HCRTR2: variants seen among roughly 807,000 people sequenced by gnomAD.
HCRTR2 encodes the protein orexin receptor type 2.
A neutral mutation model predicts 49.0 loss-of-function variants in HCRTR2; 22 were observed. The ratio of observed to expected loss-of-function variants is 0.45; its 90% CI spans 0.32 to 0.64. HCRTR2 has a LOEUF of 0.64. Among genes scored for constraint, HCRTR2 ranks in the 30% least tolerant of loss-of-function variants. The pLI, the probability that HCRTR2 is intolerant of heterozygous loss-of-function variation, is 0.04. For synonymous variants in HCRTR2, 236 were observed against 205.3 expected, an observed-to-expected ratio of 1.15 and a Z score of -1.28; for missense variants, 491 against 559.4, an observed-to-expected ratio of 0.88 and a Z score of 1.23.
At chr6:55,186,454 C>A (rs1765217564) in intron 1 of HCRTR2, among the ~76,000 whole-genome samples, 1 of 152,182 alleles carries the variant, frequency 6.6e-6, no homozygotes, top group African/African-American at 2.4e-5. Context: ...CTTTCCCCAG[C>A]ACTGAGATCT....
chr6:55,209,420 AT>A (rs1233765894), intron 1 of HCRTR2, among the ~76,000 whole-genome samples: 5 of 152,196 alleles, frequency 3.3e-5, no homozygotes, highest in Non-Finnish European at 7.4e-5. Context: ...GGATTGCTTC[AT>A]TGTTTTGGTT....
chr6:55,134,578 T>G (rs989571678), intron 1 of HCRTR2, among the ~76,000 whole-genome samples: 7 of 151,858 alleles, frequency 4.6e-5, no homozygotes. Context: ...CAGATCTTAT[T>G]CATCTTATAA....
chr6:55,204,041 A>T (rs578200411), intron 1 of HCRTR2, among the ~76,000 whole-genome samples: 1 of 152,268 alleles, frequency 6.6e-6, no homozygotes, highest in Non-Finnish European at 1.5e-5. Context: ...TCTGTTCAAT[A>T]TTTAACACAC....
At chr6:55,210,178 G>C (rs1765672519) in intron 1 of HCRTR2, among the ~76,000 whole-genome samples, 1 of 152,080 alleles carries the variant, frequency 6.6e-6, no homozygotes, top group African/African-American at 2.4e-5. Context: ...TATTAGAAAT[G>C]TGTTATTTCT....
chr6:55,171,570 A>G (rs1764950101), upstream of HCRTR2, among the ~76,000 whole-genome samples: 1 of 152,214 alleles, frequency 6.6e-6, no homozygotes, highest in Non-Finnish European at 1.5e-5. Context: ...GAAAACAAGT[A>G]ATAATCTGAA....
chr6:55,150,488 C>G (rs753766597), intron 1 of HCRTR2, among the ~76,000 whole-genome samples: 1 of 151,908 alleles, frequency 6.6e-6, no homozygotes, highest in African/African-American at 2.4e-5. Flanking sequence ...TTTGGTTACA[C>G]CTCCCCATTT....
intron 1 of HCRTR2, among the ~76,000 whole-genome samples, chr6:55,218,203 T>TCCCTTAAAGG (rs1765825553): frequency 1.3e-5 from 2 of 152,210 alleles, no homozygotes; most frequent in Admixed American, 6.5e-5. Context: ...GCCTCTATTG[T>TCCCTTAAAGG]CCCTTAAAGG....
chr6:55,124,476 G>A (rs1764246293), intron 1 of HCRTR2, among the ~76,000 whole-genome samples: 1 of 152,050 alleles, frequency 6.6e-6, no homozygotes, highest in Non-Finnish European at 1.5e-5. Flanking sequence ...TGTGGTCTGA[G>A]AGACTGTTGC....
chr6:55,145,617 G>A (rs932290229), intron 1 of HCRTR2, among the ~76,000 whole-genome samples: 1 of 151,780 alleles, frequency 6.6e-6, no homozygotes, highest in Non-Finnish European at 1.5e-5. Flanking sequence ...GGGTTTCACC[G>A]TGTTAGCCAG....
intron 1 of HCRTR2, among the ~76,000 whole-genome samples, chr6:55,176,432 T>C (rs1175836508): frequency 6.6e-6 from 1 of 152,198 alleles, no homozygotes; most frequent in Non-Finnish European, 1.5e-5. Flanking sequence ...CTTCTTCTTG[T>C]TACCCATCCT....
intron 1 of HCRTR2, among the ~76,000 whole-genome samples, chr6:55,213,760 G>A (rs765855878): frequency 1.3e-5 from 2 of 152,098 alleles, no homozygotes; most frequent in Admixed American, 6.6e-5. Flanking sequence ...ACTAGCTTCC[G>A]TCATGCCTAA....
rs190554117 is a variant in HCRTR2, at chr6:55,267,572, C to T, written c.762+3750C>T. ...ATATAATTCAACACTAAATCTTAAT[C>T]GTCATGTGCTTGTGTTAATTTATTT... On this transcript the variant is annotated intron_variant, in intron 4 of 6. Transcript: ENST00000370862. Among the ~76,000 whole-genome samples, 52 of 152,140 alleles carry T rather than the reference C, an allele frequency of 3.4e-4. 1 individual carries two copies. In the East Asian group the frequency reaches 8.5e-3, roughly 25 times the overall value.
intron 1 of HCRTR2, among the ~76,000 whole-genome samples, chr6:55,215,737 A>G (rs1391964907): frequency 6.6e-6 from 1 of 152,258 alleles, no homozygotes; most frequent in African/African-American, 2.4e-5. Context: ...TTAGGTTTTT[A>G]TCACCTTAAA....
Position 55,226,001 on chromosome 6 carries a change from C to T in HCRTR2, c.224-22638C>T, listed in dbSNP as rs118170902. ...AGCCTAAGCTGTTTTGTGCTTCCTC[C>T]CTAGTTGGGCATCCCTGTGCAATGA... is the stretch of plus-strand genomic sequence containing the variant. On this transcript the variant is annotated intron_variant, in intron 1 of 6. Coordinates refer to ENST00000370862, the MANE Select transcript of HCRTR2 (RefSeq NM_001384272.1). Among the ~76,000 whole-genome samples, 63 of 152,276 alleles carry T rather than the reference C, an allele frequency of 4.1e-4. 3 individuals are homozygous for T. In the East Asian group the frequency reaches 0.01, roughly 24 times the overall value.
rs549147736 is a variant in HCRTR2, at chr6:55,126,048, A to G, written c.-378+19503A>G. ...TTTTCAAGGTTCTTAGCTTCCTTGC[A>G]TTGGGTTAGAACATGCTCCTTTAGC... On this transcript the variant is annotated intron_variant, in intron 1 of 7. Coordinates refer to the HCRTR2 transcript ENST00000615358. Among the ~76,000 whole-genome samples the G allele has an allele frequency of 2.6e-5, 4 of 152,228 alleles. No homozygotes were observed. The South Asian group carries it at 6.2e-4, about 24-fold the overall frequency.
At chr6:55,266,763 TA>T (rs1766868175) in intron 4 of HCRTR2, among the ~76,000 whole-genome samples, 1 of 152,172 alleles carries the variant, frequency 6.6e-6, no homozygotes, top group South Asian at 2.1e-4. Flanking sequence ...CCCTAAAGTT[TA>T]CATGGTACCA....
intron 3 of HCRTR2, among the ~76,000 whole-genome samples, chr6:55,260,980 T>C (rs1333963669): frequency 6.6e-6 from 1 of 152,132 alleles, no homozygotes; most frequent in Non-Finnish European, 1.5e-5. Flanking sequence ...TCCTCAACAA[T>C]ACTATGGGAT....
At chr6:55,127,296 G>A (rs1764295382) in intron 1 of HCRTR2, among the ~76,000 whole-genome samples, 1 of 152,056 alleles carries the variant, frequency 6.6e-6, no homozygotes, top group Non-Finnish European at 1.5e-5. Context: ...CTCAGGCTCA[G>A]TTCCTCACGG....
At chr6:55,274,644 G>T (rs146055678) in intron 4 of HCRTR2, among the ~76,000 whole-genome samples, 1 of 151,962 alleles carries the variant, frequency 6.6e-6, no homozygotes, top group Non-Finnish European at 1.5e-5. Flanking sequence ...GGTGAGAGAA[G>T]ACTTGATTTT....
Sources: allele counts gnomAD v4.1 joint callset (sites outside exome capture counted in the v4.1 genomes callset), GRCh38; gene constraint gnomAD v4.1.1; transcripts MANE v1.5; gene names NCBI Gene and HGNC (gene_info 2026-07-23, HGNC 2026-07-21).